LRBA: variants seen among roughly 807,000 people sequenced by gnomAD.
LRBA encodes lipopolysaccharide-responsive and beige-like anchor protein.
Under a neutral mutation model 330.0 loss-of-function variants are expected in LRBA, and 176 were observed. The observed-to-expected ratio is 0.53, with a 90% CI of 0.47 to 0.60. The LOEUF (loss-of-function observed/expected upper bound fraction) is 0.60, where lower values mean the gene tolerates loss of function less well. Ranked by LOEUF, LRBA falls within the 20% of genes least tolerant of loss-of-function variation. LRBA has a pLI of 0.00. For synonymous variants in LRBA, 1,230 were observed against 1,193.0 expected, an observed-to-expected ratio of 1.03 and a Z score of -0.64; for missense variants, 3,259 against 3,444.8, an observed-to-expected ratio of 0.95 and a Z score of 1.35.
chr4:150,882,328 C>G (rs76515329), intron 17 of LRBA, among the ~76,000 whole-genome samples: 29 of 152,112 alleles, frequency 1.9e-4, no homozygotes, highest in African/African-American at 6.7e-4. Flanking sequence ...GTTAAATGGG[C>G]CTATTTTGCT....
chr4:150,725,264 A>T (rs1296593886), intron 36 of LRBA, among the ~76,000 whole-genome samples: 2 of 152,148 alleles, frequency 1.3e-5, no homozygotes, highest in Non-Finnish European at 2.9e-5. Context: ...CTTATAGAAC[A>T]GCAAGCAGAA....
At chr4:150,874,558 G>T (rs1442560540) in intron 17 of LRBA, among the ~76,000 whole-genome samples, 1 of 152,164 alleles carries the variant, frequency 6.6e-6, no homozygotes, top group Non-Finnish European at 1.5e-5. Context: ...ATATCTCCTG[G>T]ACAACAAGAC....
intron 40 of LRBA, among the ~76,000 whole-genome samples, chr4:150,536,596 G>A (rs1466484423): frequency 2.6e-5 from 4 of 152,170 alleles, no homozygotes; most frequent in African/African-American, 9.7e-5. Flanking sequence ...GCAGTTTTCA[G>A]TATATGATGT....
intron 50 of LRBA, among the ~76,000 whole-genome samples, chr4:150,315,837 C>T (rs1316931862): frequency 1.3e-5 from 2 of 152,162 alleles, no homozygotes; most frequent in Non-Finnish European, 2.9e-5. Context: ...GTGCCATCAG[C>T]AGTGGCTCCA....
At chr4:150,641,992 C>T (rs1778721491) in intron 37 of LRBA, among the ~76,000 whole-genome samples, 1 of 152,008 alleles carries the variant, frequency 6.6e-6, no homozygotes, top group African/African-American at 2.4e-5. Context: ...TTTTGCTACA[C>T]TGTCATATTT....
intron 21 of LRBA, 86 bp from the exon 22 acceptor site, chr4:150,867,949 C>T: frequency 8.8e-7 from 1 of 1,134,586 alleles, no homozygotes; most frequent in Non-Finnish European, 1.2e-6. Context: ...AATAACCCTG[C>T]CCCTCCCTTT....
At chr4:150,611,918 T>C (rs1775309203) in intron 37 of LRBA, among the ~76,000 whole-genome samples, 1 of 152,130 alleles carries the variant, frequency 6.6e-6, no homozygotes, top group Admixed American at 6.6e-5. Context: ...TTTCTCTCTC[T>C]CTAAGACAAG....
chr4:150,646,339 C>T (rs528817153), intron 37 of LRBA, among the ~76,000 whole-genome samples: 1 of 152,024 alleles, frequency 6.6e-6, no homozygotes, highest in South Asian at 2.1e-4. Flanking sequence ...GATGAATAGG[C>T]TGGAGAGTGG....
At chr4:150,458,399 T>A (rs1754350120) in intron 44 of LRBA, among the ~76,000 whole-genome samples, 1 of 151,876 alleles carries the variant, frequency 6.6e-6, no homozygotes. Flanking sequence ...CATGCCACAT[T>A]GAACACGTAA....
At chr4:150,576,700 A>C (rs1344765130) in intron 40 of LRBA, among the ~76,000 whole-genome samples, 1 of 151,920 alleles carries the variant, frequency 6.6e-6, no homozygotes, top group African/African-American at 2.4e-5. Context: ...GTAAAGTCTA[A>C]TAGGTAACAA....
intron 47 of LRBA, among the ~76,000 whole-genome samples, chr4:150,379,173 G>A (rs1027127274): frequency 5.9e-5 from 9 of 151,528 alleles, no homozygotes; most frequent in African/African-American, 2.2e-4. Flanking sequence ...TGTGGTGGCG[G>A]GCACCTGTAA....
intron 47 of LRBA, among the ~76,000 whole-genome samples, chr4:150,414,714 C>T (rs1747486989): frequency 6.6e-6 from 1 of 152,152 alleles, no homozygotes; most frequent in African/African-American, 2.4e-5. Context: ...TGGTCTCGAA[C>T]TCCTGACCTC....
At chr4:150,738,357 T>A (rs1039888926) in intron 35 of LRBA, among the ~76,000 whole-genome samples, 2 of 152,086 alleles carry the variant, frequency 1.3e-5, no homozygotes, top group Admixed American at 6.5e-5. Context: ...GTCTGTTTAA[T>A]TCACAGGTCC....
chr4:150,511,465 C>A (rs1761825722), intron 40 of LRBA, among the ~76,000 whole-genome samples: 1 of 152,150 alleles, frequency 6.6e-6, no homozygotes, highest in Non-Finnish European at 1.5e-5. Flanking sequence ...TGTCATACAA[C>A]ATAACACTCC....
At chr4:150,578,074 T>A (rs1236179649) in intron 40 of LRBA, among the ~76,000 whole-genome samples, 3 of 152,208 alleles carry the variant, frequency 2.0e-5, no homozygotes, top group Non-Finnish European at 4.4e-5. Flanking sequence ...TGTTTTCCTA[T>A]AAATGGAAGA....
chr4:150,344,630 T>C (rs1030106163), intron 48 of LRBA, among the ~76,000 whole-genome samples: 14 of 152,206 alleles, frequency 9.2e-5, no homozygotes, highest in Non-Finnish European at 1.6e-4. Context: ...GGCAGGATCA[T>C]AGCTCAATGC....
At chr4:150,326,040 C>A in intron 48 of LRBA, 142 bp from the exon 49 acceptor site, 1 of 639,256 alleles carries the variant, frequency 1.6e-6, no homozygotes, top group Non-Finnish European at 2.8e-6. Flanking sequence ...GTGGGGCTAA[C>A]CACCTGGCAA....
chr4:150,572,657 G>C (rs1030378771), intron 40 of LRBA, among the ~76,000 whole-genome samples: 5 of 152,076 alleles, frequency 3.3e-5, no homozygotes, highest in African/African-American at 1.2e-4. Flanking sequence ...TCCAGTACAA[G>C]TTCAAGTAAG....
At chr4:150,887,428 G>A (rs1226958901) in intron 17 of LRBA, among the ~76,000 whole-genome samples, 2 of 152,088 alleles carry the variant, frequency 1.3e-5, no homozygotes, top group East Asian at 1.9e-4. Flanking sequence ...CAAAGTGAAA[G>A]GAGAAAGATA....
Sources: allele counts gnomAD v4.1 joint callset (sites outside exome capture counted in the v4.1 genomes callset), GRCh38; gene constraint gnomAD v4.1.1; transcripts MANE v1.5; gene names NCBI Gene and HGNC (gene_info 2026-07-23, HGNC 2026-07-21).